The following BPIFB4 variants were observed in gnomAD, a reference collection of about 807,000 sequenced individuals.
The protein encoded by BPIFB4 is BPI fold-containing family B member 4.
BPIFB4 carries 62 observed loss-of-function variants against 69.2 expected under a neutral mutation model. The observed-to-expected ratio is 0.90, with a 90% CI of 0.73 to 1.11. The LOEUF is 1.11. Ranked by LOEUF, BPIFB4 falls within the 50% of genes least tolerant of loss-of-function variation. The pLI is 0.00. For missense variants in BPIFB4, 789 were observed against 792.0 expected, an observed-to-expected ratio of 1.00 and a Z score of 0.04; for synonymous variants, 330 against 332.7, an observed-to-expected ratio of 0.99 and a Z score of 0.09.
intron 17 of BPIFB4, among the ~76,000 whole-genome samples, chr20:33,110,436 T>C (rs1982201824): frequency 6.6e-6 from 1 of 152,256 alleles, no homozygotes; most frequent in African/African-American, 2.4e-5. Context: ...CTTTGAGTGC[T>C]TGCTTAAGTG....
intron 15 of BPIFB4, among the ~76,000 whole-genome samples, chr20:33,104,291 G>C (rs1436604237): frequency 2.6e-5 from 4 of 152,232 alleles, no homozygotes; most frequent in Non-Finnish European, 5.9e-5. Flanking sequence ...AAGGCCAGGA[G>C]TTTTACGTGA....
rs1447778619 is a variant in BPIFB4 at position 33,092,549 on chromosome 20, T to A, written c.1235T>A (p.Met412Lys). 1.2e-6 allele frequency: 2 copies of A among 1,614,008 alleles called. No homozygotes were observed. Among genetic ancestry groups the A allele is most frequent in the African/African-American group, 2.7e-5 (2 of 74,938 alleles). The change falls in exon 11 of 18, where the codon ATG becomes AAG. Residue 412 changes from methionine to lysine, a missense_variant. This residue lies in a region of BPIFB4 where 611 missense variants were observed against 575.4 expected (regional missense o/e 1.06). Transcript: ENST00000375483. ...AAGCCGATGCCAGAGCTGCCTCCCA[T>A]GGGTGACAACACCAAGTCCCAGCTG... ...SPKPMPELPP[M>K]GDNTKSQLAM... is the part of the protein sequence containing the mutation.
At chr20:33,091,114 G>T (rs768237419) in intron 10 of BPIFB4, among the ~76,000 whole-genome samples, 16 of 152,206 alleles carry the variant, frequency 1.1e-4, no homozygotes, top group Non-Finnish European at 2.1e-4. Flanking sequence ...ACTTGCCCAA[G>T]GTCACACAGC....
At position 33,092,451 on chromosome 20, in the gene BPIFB4, C is replaced by T. The variant is rs372775889; in HGVS notation, c.1144-7C>T. 25 of 1,610,100 alleles carry T rather than the reference C, an allele frequency of 1.6e-5. No individual in the cohort carries two copies. The highest frequency in any genetic ancestry group is 2.1e-5 in the Non-Finnish European group (25 of 1,176,994). On this transcript the variant is annotated splice_polypyrimidine_tract_variant and splice_region_variant and intron_variant, in intron 10 of 17. Transcript: ENST00000375483. ...CCCTGTGACCCCTTTCTTCTCTTCT[C>T]CCCCAGACGCTGGTTGGGGAGGCTG...
In BPIFB4 at chr20:33,081,606, G is replaced by T. The variant is rs1006194482; in HGVS notation, c.80G>T (p.Arg27Met). The change falls in exon 3 of 18, where the codon AGG (arginine) becomes ATG (methionine). Residue 27 changes from arginine (R) to methionine (M), a missense_variant. Physicochemically the swap from Arg to Met is moderately conservative, Grantham distance 91. Transcript: ENST00000375483. ...AGCCACGAGACAAACACGGTCCTCAGGGTGACGAAAGATGTGTTGAGCAAT... is the reference window on the plus strand; with the variant it reads ...AGCCACGAGACAAACACGGTCCTCATGGTGACGAAAGATGTGTTGAGCAAT... The part of the protein sequence containing the change: ...GTSHETNTVL[R>M]VTKDVLSNAI... 6.4e-7 allele frequency: 1 copy of T among 1,551,726 alleles called. No individual in the cohort carries two copies. Among genetic ancestry groups the T allele is most frequent in the Non-Finnish European group, 8.7e-7 (1 of 1,147,004 alleles).
chr20:33,102,952 G>A lies in BPIFB4; in HGVS notation c.1638-20G>A. ...TTCAGGCAATCCCTGCTTCTCACAG[G>A]CTGTTTTCTTCGTCTACAGGACCAG... On this transcript the variant is annotated intron_variant, in intron 14 of 17. Transcript: ENST00000375483. 6.2e-7 allele frequency: 1 copy of A among 1,613,484 alleles called. No individual in the cohort carries two copies. The highest frequency in any genetic ancestry group is 1.3e-5 in the African/African-American group (1 of 75,020).
chr20:33,088,143 G>C (rs1008776801), intron 7 of BPIFB4, among the ~76,000 whole-genome samples: 1 of 151,978 alleles, frequency 6.6e-6, no homozygotes, highest in Non-Finnish European at 1.5e-5. Context: ...TATACATCTT[G>C]TTTATCGTCG....
chr20:33,091,688 G>T lies in BPIFB4; in HGVS notation c.1144-770G>T, dbSNP rs79770806. Among the ~76,000 whole-genome samples the T allele has an allele frequency of 1.0e-3, 159 of 152,394 alleles. 2 individuals are homozygous for T. In the East Asian group the frequency reaches 0.019, roughly 18 times the overall value. ...TCACCCGCTGTATGCCTGAGCTGAGGCTGAGTGAGGCTCTGGGCTGAGTGC... is the reference window on the plus strand; with the variant it reads ...TCACCCGCTGTATGCCTGAGCTGAGTCTGAGTGAGGCTCTGGGCTGAGTGC... On this transcript the variant is annotated intron_variant, in intron 10 of 17. Coordinates refer to ENST00000375483, the MANE Select transcript of BPIFB4 (RefSeq NM_182519.3).
chr20:33,092,899 C>T (rs2146408718), intron 11 of BPIFB4, among the ~76,000 whole-genome samples: 1 of 152,266 alleles, frequency 6.6e-6, no homozygotes, highest in African/African-American at 2.4e-5. Flanking sequence ...GCTCCCTATT[C>T]AATTTTATTT....
At position 33,104,795 on chromosome 20, in the gene BPIFB4, C is replaced by T. The variant is rs1488809357; in HGVS notation, c.1681-15C>T. On this transcript the variant is annotated splice_polypyrimidine_tract_variant and intron_variant, in intron 15 of 17. Transcript: ENST00000375483. ...AACCCCCTGCCCAGGCTCTGTCCTC[C>T]TTCTTCCTCTGCAGATTGGCCTCAT... 1.2e-6 allele frequency: 2 copies of T among 1,613,840 alleles called. No homozygotes were observed. Among genetic ancestry groups the T allele is most frequent in the Non-Finnish European group, 1.7e-6 (2 of 1,179,778 alleles).
rs41305785 is a variant in BPIFB4, at chr20:33,079,685, C to T, written c.-142C>T. ...GGGAACAGGACTTCTCAAGACTCAG[C>T]GGCAGGGACCTCCTAGGGGTAAGGA... is the stretch of plus-strand genomic sequence containing the variant. On this transcript the variant is annotated 5_prime_UTR_variant, in exon 1 of 18. Transcript: ENST00000375483. 1,794 of 152,500 alleles carry T rather than the reference C, an allele frequency of 0.012. 19 individuals carry two copies. Among genetic ancestry groups the T allele is most frequent in the Non-Finnish European group, 0.019 (1,286 of 68,204 alleles). 9.4% of individuals were successfully genotyped at this position (152,500 alleles called of 1,614,324 possible). A position where few individuals can be genotyped will look rare whatever the true frequency, so the allele number is the denominator to read the frequency against.
chr20:33,084,825 AG>A (rs1981368751), intron 5 of BPIFB4, 66 bp from the exon 6 acceptor site: 1 of 1,552,756 alleles, frequency 6.4e-7, no homozygotes, highest in Non-Finnish European at 8.7e-7. Flanking sequence ...GGTGTAGGGG[AG>A]GGCGCTCGGG....
chr20:33,089,111 G>T, intron 8 of BPIFB4, 82 bp downstream of exon 8: 1 of 1,596,884 alleles, frequency 6.3e-7, no homozygotes, highest in Non-Finnish European at 8.6e-7. Context: ...CCATCCCTGG[G>T]GGCCTGCAGG....
chr20:33,083,064 G>A, intron 4 of BPIFB4, 64 bp downstream of exon 4: 3 of 1,482,398 alleles, frequency 2.0e-6, no homozygotes, highest in Non-Finnish European at 2.8e-6. Flanking sequence ...AGTGGAAGTG[G>A]AGGTGGTGGG....
chr20:33,089,755 G>C (rs1184097114), intron 9 of BPIFB4, among the ~76,000 whole-genome samples, 197 bp downstream of exon 9: 1 of 152,110 alleles, frequency 6.6e-6, no homozygotes, highest in Non-Finnish European at 1.5e-5. Flanking sequence ...AGAGGGAGGA[G>C]CTTCCACCAG....
At chr20:33,101,585 G>A (rs1019165834) in intron 14 of BPIFB4, among the ~76,000 whole-genome samples, 2 of 152,140 alleles carry the variant, frequency 1.3e-5, no homozygotes, top group African/African-American at 4.8e-5. Flanking sequence ...CCAGGAGCTC[G>A]CTCTGTTGCC....
chr20:33,084,650 G>T (rs2424948), intron 5 of BPIFB4, among the ~76,000 whole-genome samples: 12,178 of 152,240 alleles, frequency 0.08, 528 homozygotes, highest in Middle Eastern at 0.13. Flanking sequence ...ATGCAGAAAA[G>T]ATTCAAAGGA....
At chr20:33,090,623 T>C in intron 9 of BPIFB4, 85 bp from the exon 10 acceptor site, 3 of 1,580,020 alleles carry the variant, frequency 1.9e-6, no homozygotes, top group Non-Finnish European at 2.6e-6. Context: ...GGGCCTACCT[T>C]GTCCATCCCC....
In BPIFB4 at chr20:33,083,855, A is replaced by G. The variant is rs763029574; in HGVS notation, c.658A>G (p.Thr220Ala). 2.5e-6 allele frequency: 4 copies of G among 1,612,146 alleles called. No homozygotes were observed. Among genetic ancestry groups the G allele is most frequent in the South Asian group, 1.1e-5 (1 of 91,042 alleles). Residue 220 changes from threonine (T) to alanine (A), a missense_variant, in exon 5 of 18, where the codon ACT becomes GCT. Coordinates refer to ENST00000375483, the MANE Select transcript of BPIFB4 (RefSeq NM_182519.3). ...GVLGEGGILS[T>A]VQGITGLRIV... ...GCTCGGCGAGGGTGGCATCCTCAGC[A>G]CTGTGCAAGGCATCACGGGGTAAGG...
Sources: gnomAD v4.1 joint callset for allele counts (sites outside exome capture counted in the v4.1 genomes callset) on GRCh38, gnomAD v4.1.1 for gene constraint, gnomAD v4.1.1 regional missense constraint, MANE v1.5 for transcripts, NCBI Gene and HGNC (gene_info 2026-07-23, HGNC 2026-07-21) for gene names.